The following KIFC2 variants were observed in gnomAD, a reference collection of about 807,000 sequenced individuals.
KIFC2 encodes kinesin-like protein KIFC2.
KIFC2 carries 94 observed loss-of-function variants against 91.5 expected under a neutral mutation model. The observed-to-expected ratio is 1.03, with a 90% CI of 0.87 to 1.22. KIFC2 has a LOEUF of 1.22. Among genes scored for constraint, KIFC2 ranks in the 50% most tolerant of loss-of-function variants. The pLI is 0.00. For synonymous variants in KIFC2, 729 were observed against 503.9 expected, an observed-to-expected ratio of 1.45 and a Z score of -5.98; for missense variants, 1,357 against 1,103.3, an observed-to-expected ratio of 1.23 and a Z score of -3.26.
rs563970504 is a variant in KIFC2, at chr8:144,466,450, A to G, written c.31A>G (p.Ile11Val). The G allele has an allele frequency of 3.7e-6, 5 of 1,363,976 alleles. No homozygotes were observed. In the South Asian group the frequency reaches 4.9e-5, roughly 13 times the overall value. The allele number at this position is 1,363,976 out of a possible 1,614,324, so 84.5% of individuals were successfully genotyped here. A position where few individuals can be genotyped will look rare whatever the true frequency, so the allele number is the denominator to read the frequency against. Residue 11 changes from isoleucine (I) to valine (V), a missense_variant, in exon 1 of 18, where the codon ATC becomes GTC. Coordinates refer to ENST00000645548, the MANE Select transcript of KIFC2 (RefSeq NM_001369769.2). ...CGCCTTTTACTCGTTGCTCATCTAC[A>G]TCTTCTACAGCCTCTTCCGCAGGGA... MYAFYSLLIY[I>V]FYSLFRRDGG...
At chr8:144,467,171 C>T (rs760666284) in intron 3 of KIFC2, 32 bp from the exon 4 acceptor site, 2 of 1,613,032 alleles carry the variant, frequency 1.2e-6, no homozygotes, top group Non-Finnish European at 1.7e-6. Context: ...CTGGCTTTCA[C>T]AGCCCTGCTC....
chr8:144,468,281 C>T (rs1293137587), intron 7 of KIFC2, 48 bp from the exon 8 acceptor site: 4 of 1,518,290 alleles, frequency 2.6e-6, no homozygotes, highest in Admixed American at 1.9e-5. Context: ...GAAATGGTAC[C>T]ACAGACCGTC....
intron 2 of KIFC2, 46 bp from the exon 3 acceptor site, chr8:144,466,913 A>T (rs2250895): frequency 6.4e-7 from 1 of 1,566,240 alleles, no homozygotes; most frequent in African/African-American, 1.3e-5. Context: ...GGCCTGGCTC[A>T]AGCACGTGAC....
Position 144,466,460 on chromosome 8 carries a change from G to T in KIFC2, c.41G>T (p.Ser14Ile). 1 of 1,362,328 alleles carries T rather than the reference G, an allele frequency of 7.3e-7. No homozygotes were observed. 84.4% of individuals were successfully genotyped at this position (1,362,328 alleles called of 1,614,324 possible). A position where few individuals can be genotyped will look rare whatever the true frequency, so the allele number is the denominator to read the frequency against. The part of the protein sequence containing the change: ...FYSLLIYIFY[S>I]LFRRDGGAAA... ...TCGTTGCTCATCTACATCTTCTACAGCCTCTTCCGCAGGGATGGTGGCGCC... is the reference window on the plus strand; with the variant it reads ...TCGTTGCTCATCTACATCTTCTACATCCTCTTCCGCAGGGATGGTGGCGCC... Residue 14 changes from serine (S) to isoleucine (I), a missense_variant, in exon 1 of 18, where the codon AGC becomes ATC. By Grantham distance (142) the Ser-to-Ile change is moderately radical (BLOSUM62 -2). Transcript: ENST00000645548.
In KIFC2 at chr8:144,472,992, C is replaced by G; in HGVS notation, c.2059C>G (p.Leu687Val). 1.4e-6 allele frequency: 2 copies of G among 1,444,080 alleles called. No homozygotes were observed. Among genetic ancestry groups the G allele is most frequent in the Non-Finnish European group, 1.8e-6 (2 of 1,106,762 alleles). 89.5% of individuals were successfully genotyped at this position (1,444,080 alleles called of 1,614,324 possible). A position where few individuals can be genotyped will look rare whatever the true frequency, so the allele number is the denominator to read the frequency against. The change falls in exon 17 of 18, where the codon CTC becomes GTC. Residue 687 changes from leucine to valine, a missense_variant. Physicochemically the swap from Leu to Val is conservative, Grantham distance 32. Coordinates refer to ENST00000645548, the MANE Select transcript of KIFC2 (RefSeq NM_001369769.2). ...GCACGTGCCCTTCCGCGACTCGCAGCTCACGCGACTGCTGCAGCCGGCGCT... is the reference window on the plus strand; with the variant it reads ...GCACGTGCCCTTCCGCGACTCGCAGGTCACGCGACTGCTGCAGCCGGCGCT... The part of the protein sequence containing the change: ...RPHVPFRDSQ[L>V]TRLLQPALGP...
rs760603083 is a variant in KIFC2, at chr8:144,469,578, C to T, written c.1311C>T (p.Thr437=). The change falls in exon 12 of 18, where the codon ACC becomes ACT. Residue 437 remains threonine (T), a synonymous_variant. Coordinates refer to ENST00000645548, the MANE Select transcript of KIFC2 (RefSeq NM_001369769.2). ...CTGGCCCAGGGGGCACCGTCACCAC[C>T]TGCTACCGGGGGCGCCATCGTCGAT... ...VEPGPGGTVT[T]CYRGRHRRFR... 1 of 1,613,358 alleles carries T rather than the reference C, an allele frequency of 6.2e-7. No individual in the cohort carries two copies. Among genetic ancestry groups the T allele is most frequent in the South Asian group, 1.1e-5 (1 of 91,072 alleles).
Position 144,473,990 on chromosome 8 carries a change from T to C in KIFC2, c.*601T>C. On this transcript the variant is annotated 3_prime_UTR_variant, in exon 18 of 18. Transcript: ENST00000645548. The stretch of plus-strand genomic sequence containing the variant: ...GGGACTAGGAAGGGCTATTCCAGGC[T>C]CAGCCCTGCTCCTGCAGCTTTGCCG... 3 of 556,506 alleles carry C rather than the reference T, an allele frequency of 5.4e-6. No homozygotes were observed. Among genetic ancestry groups the C allele is most frequent in the East Asian group, 2.9e-5 (1 of 34,346 alleles). The allele number at this position is 556,506 out of a possible 1,614,324, so 34.5% of individuals were successfully genotyped here. A position where few individuals can be genotyped will look rare whatever the true frequency, so the allele number is the denominator to read the frequency against.
In KIFC2 at chr8:144,468,022, C is replaced by T. The variant is rs773085134; in HGVS notation, c.810+35C>T. 4 of 1,503,206 alleles carry T rather than the reference C, an allele frequency of 2.7e-6. No homozygotes were observed. The South Asian group carries it at 3.9e-5, about 15-fold the overall frequency. 93.1% of individuals were successfully genotyped at this position (1,503,206 alleles called of 1,614,324 possible). The stretch of plus-strand genomic sequence containing the variant: ...TCCCGAGCTGCAGCCGTTCCTGCAG[C>T]CTGGGGCTCTTGCACACCTGGCATG... On this transcript the variant is annotated intron_variant, in intron 7 of 17. Coordinates refer to ENST00000645548, the MANE Select transcript of KIFC2 (RefSeq NM_001369769.2).
At chr8:144,466,635 C>T in intron 1 of KIFC2, 117 bp downstream of exon 1, 1 of 948,716 alleles carries the variant, frequency 1.1e-6, no homozygotes, top group Non-Finnish European at 1.4e-6. Context: ...TGCCGAGGAC[C>T]CTCGGCTCGG....
Position 144,473,815 on chromosome 8 carries a change from C to G in KIFC2, c.*426C>G, listed in dbSNP as rs1362803083. On this transcript the variant is annotated 3_prime_UTR_variant, in exon 18 of 18. Coordinates refer to ENST00000645548, the MANE Select transcript of KIFC2 (RefSeq NM_001369769.2). The stretch of plus-strand genomic sequence containing the variant: ...GCAGTCTTTACTCCCTAACCCGTTT[C>G]CCGAAAAAGGTGCTACCTCCTTTCC... The G allele has an allele frequency of 8.4e-6, 3 of 358,230 alleles. No individual in the cohort carries two copies. The highest frequency in any genetic ancestry group is 1.5e-5 in the Non-Finnish European group (3 of 197,512). The allele number at this position is 358,230 out of a possible 1,614,324, so 22.2% of individuals were successfully genotyped here.
At chr8:144,469,181 G>A in intron 10 of KIFC2, 90 bp from the exon 11 acceptor site, 2 of 1,095,516 alleles carry the variant, frequency 1.8e-6, no homozygotes, top group Non-Finnish European at 2.7e-6. Context: ...GGCCTGTGGG[G>A]GCTCCCTGCT....
At chr8:144,468,515 G>C in intron 8 of KIFC2, 21 bp from the exon 9 acceptor site, 1 of 1,554,072 alleles carries the variant, frequency 6.4e-7, no homozygotes, top group South Asian at 1.2e-5. Flanking sequence ...TCAGTGACAG[G>C]GGTGGGGTTG....
In KIFC2 at chr8:144,467,200, C is replaced by A; in HGVS notation, c.331-3C>A. Reference sequence around the variant, plus strand: ...CCTGCTCGGATTCTTGTCTCCTTCGCAGTCTGGCGAGGTCCCCTCACTGTT... The same window carrying A: ...CCTGCTCGGATTCTTGTCTCCTTCGAAGTCTGGCGAGGTCCCCTCACTGTT... On this transcript the variant is annotated splice_polypyrimidine_tract_variant and splice_region_variant and intron_variant, in intron 3 of 17. Coordinates refer to ENST00000645548, the MANE Select transcript of KIFC2 (RefSeq NM_001369769.2). 1.9e-6 allele frequency: 3 copies of A among 1,613,584 alleles called. No homozygotes were observed. Among genetic ancestry groups the A allele is most frequent in the Non-Finnish European group, 2.5e-6 (3 of 1,180,022 alleles).
Position 144,473,329 on chromosome 8 carries a change from C to T in KIFC2, c.2316C>T (p.Cys772=), listed in dbSNP as rs553757202. 5 of 1,600,114 alleles carry T rather than the reference C, an allele frequency of 3.1e-6. No homozygotes were observed. The highest frequency in any genetic ancestry group is 1.7e-5 in the Admixed American group (1 of 58,798). ...TPTPSPGSPP[C]PSPDNGSGSA... is the part of the protein sequence containing the mutation. ...CGCCGTCCCCTGGCAGTCCTCCATG[C>T]CCCAGTCCCGACAACGGCTCGGGCT... is the stretch of plus-strand genomic sequence containing the variant. The change falls in exon 18 of 18, where the codon TGC becomes TGT. Residue 772 remains cysteine, a synonymous_variant. Coordinates refer to ENST00000645548, the MANE Select transcript of KIFC2 (RefSeq NM_001369769.2).
chr8:144,472,819 C>T lies in KIFC2; in HGVS notation c.1886C>T (p.Ala629Val), dbSNP rs771266477. 3 of 1,579,830 alleles carry T rather than the reference C, an allele frequency of 1.9e-6. No individual in the cohort carries two copies. The highest frequency in any genetic ancestry group is 2.3e-5 in the East Asian group (1 of 42,898). The part of the protein sequence containing the change: ...TAGTLHLVDL[A>V]GSERARKAGA... ...GGCACGCTGCACCTGGTGGACCTGG[C>T]GGGATCCGAACGCGCACGGAAGGCA... Residue 629 changes from alanine to valine, a missense_variant, in exon 17 of 18, where the codon GCG becomes GTG. Ala to Val is a moderately conservative substitution (Grantham distance 64). Transcript: ENST00000645548.
intron 9 of KIFC2, 30 bp from the exon 10 acceptor site, chr8:144,468,695 C>A: frequency 6.2e-7 from 1 of 1,613,338 alleles, no homozygotes; most frequent in Non-Finnish European, 8.5e-7. Flanking sequence ...GGAGGCTGGG[C>A]CTTCCCTTCC....
At chr8:144,469,464 T>A (rs1824839031) in intron 11 of KIFC2, 26 bp from the exon 12 acceptor site, 1 of 1,613,668 alleles carries the variant, frequency 6.2e-7, no homozygotes, top group African/African-American at 1.3e-5. Flanking sequence ...CTGCGAGGCA[T>A]TATGCTGACC....
At chr8:144,466,933 C>G in intron 2 of KIFC2, 26 bp from the exon 3 acceptor site, 5 of 1,581,422 alleles carry the variant, frequency 3.2e-6, no homozygotes, top group Non-Finnish European at 3.4e-6. Flanking sequence ...CCCGAAATGT[C>G]TCCCGCCCTC....
chr8:144,470,785 C>A (rs1419708580), intron 12 of KIFC2: 1 of 152,284 alleles, frequency 6.6e-6, no homozygotes, highest in Admixed American at 6.5e-5. Flanking sequence ...TGGGGTCACG[C>A]CTTGTGAGCC....
Sources: allele counts gnomAD v4.1 joint callset, GRCh38; gene constraint gnomAD v4.1.1; transcripts MANE v1.5; gene names NCBI Gene and HGNC (gene_info 2026-07-23, HGNC 2026-07-21).